DYM: variants seen among roughly 807,000 people sequenced by gnomAD.
DYM encodes the protein dymeclin.
DYM carries 78 observed loss-of-function variants against 93.1 expected under a neutral mutation model. The observed-to-expected ratio is 0.84, with a 90% CI of 0.70 to 1.01. The LOEUF (loss-of-function observed/expected upper bound fraction) is 1.01, where lower values mean the gene tolerates loss of function less well. DYM is among the 50% of genes least tolerant of loss of function. The probability of loss-of-function intolerance (pLI) is 0.00; values close to 1 mark genes in which losing one functional copy is unlikely to be tolerated. For synonymous variants in DYM, 321 were observed against 319.7 expected (o/e 1.00, Z -0.04); for missense variants, 789 against 845.0 (o/e 0.93, Z 0.82).
In DYM at chr18:49,438,100, G is replaced by A. The variant is rs550898702; in HGVS notation, c.-53-7653C>T. Among the ~76,000 whole-genome samples, 16 of 152,096 alleles carry A rather than the reference G, an allele frequency of 1.1e-4. No homozygotes were observed. In the East Asian group the frequency reaches 3.1e-3, roughly 29 times the overall value. The stretch of plus-strand genomic sequence containing the variant: ...TACTCAGAAGGATCGCTTGAGCCCA[G>A]GAGTTCGACGCTGCAGTGAGCCACG... On this transcript the variant is annotated intron_variant, in intron 1 of 17. Coordinates refer to ENST00000675505, the MANE Select transcript of DYM (RefSeq NM_001353214.3).
At chr18:49,444,268 C>T (rs747153308) in intron 1 of DYM, among the ~76,000 whole-genome samples, 1 of 152,138 alleles carries the variant, frequency 6.6e-6, no homozygotes, top group African/African-American at 2.4e-5. Flanking sequence ...AATATCCTGA[C>T]GCGTCCTGCC....
At chr18:49,358,446 C>G (rs929796478) in intron 6 of DYM, among the ~76,000 whole-genome samples, 2 of 152,212 alleles carry the variant, frequency 1.3e-5, no homozygotes, top group African/African-American at 4.8e-5. Context: ...ATCAGATATC[C>G]CCTGTACTCG....
At chr18:49,406,097 T>C (rs1475394098) in intron 2 of DYM, among the ~76,000 whole-genome samples, 2 of 152,248 alleles carry the variant, frequency 1.3e-5, no homozygotes, top group Non-Finnish European at 2.9e-5. Flanking sequence ...AAGTCATTTA[T>C]CTGCTCTAGG....
chr18:49,415,428 C>CT lies in DYM; in HGVS notation c.140+14826dup, dbSNP rs527660269. Among the ~76,000 whole-genome samples, 1,178 of 136,508 alleles carry CT rather than the reference C, an allele frequency of 8.6e-3. 10 individuals are homozygous for CT. The highest frequency in any genetic ancestry group is 0.016 in the South Asian group (67 of 4,212). The allele number at this position is 136,508 out of a possible 152,430, so 89.6% of individuals were successfully genotyped here. A position where few individuals can be genotyped will look rare whatever the true frequency, so the allele number is the denominator to read the frequency against. The stretch of plus-strand genomic sequence containing the variant: ...TACTCTTGGTTGTTATTATTTTTAT[C>CT]TTTTTTTTTTTTTGCCTTCCTGGTG... On this transcript the variant is annotated intron_variant, in intron 2 of 17. Transcript: ENST00000675505.
chr18:49,299,685 A>G (rs963487157), intron 8 of DYM, among the ~76,000 whole-genome samples: 1 of 152,186 alleles, frequency 6.6e-6, no homozygotes, highest in Admixed American at 6.5e-5. Context: ...TACATTAAAT[A>G]GGAAAACAAT....
At chr18:49,256,430 C>T (rs1457778453) in intron 13 of DYM, among the ~76,000 whole-genome samples, 2 of 152,156 alleles carry the variant, frequency 1.3e-5, no homozygotes, top group Non-Finnish European at 2.9e-5. Context: ...ATGCAGGCAG[C>T]CTCCAACACC....
intron 17 of DYM, among the ~76,000 whole-genome samples, chr18:49,083,655 A>C (rs1418381674): frequency 6.6e-6 from 1 of 152,194 alleles, no homozygotes; most frequent in Non-Finnish European, 1.5e-5. Flanking sequence ...GAAGATTTTA[A>C]TTACTAATTC....
intron 3 of DYM, among the ~76,000 whole-genome samples, chr18:49,387,581 T>C (rs1019638201): frequency 6.6e-5 from 10 of 152,290 alleles, no homozygotes; most frequent in African/African-American, 2.2e-4. Flanking sequence ...GAATCCGTGA[T>C]CTTTGATGTC....
At chr18:49,359,934 T>C (rs1441904977) in intron 6 of DYM, 1 of 152,186 alleles carries the variant, frequency 6.6e-6, no homozygotes, top group Admixed American at 6.5e-5. Context: ...GTAGTTTGGT[T>C]TCACATGGAA....
At chr18:49,281,396 A>C (rs111771772) in intron 10 of DYM, among the ~76,000 whole-genome samples, 2 of 152,032 alleles carry the variant, frequency 1.3e-5, no homozygotes, top group Non-Finnish European at 2.9e-5. Context: ...TCAGTGTGGC[A>C]ATTCCTCAGG....
At chr18:49,392,304 G>T (rs2069353878) in intron 2 of DYM, among the ~76,000 whole-genome samples, 1 of 151,978 alleles carries the variant, frequency 6.6e-6, no homozygotes, top group African/African-American at 2.4e-5. Flanking sequence ...TCTTGGATGT[G>T]ACACCAAAAA....
chr18:49,340,400 C>T (rs2064020223), intron 6 of DYM, among the ~76,000 whole-genome samples: 1 of 151,896 alleles, frequency 6.6e-6, no homozygotes, highest in South Asian at 2.1e-4. Context: ...AATACATGTA[C>T]ACATACGAAT....
In DYM at chr18:49,441,020, TATA is replaced by T. The variant is rs1184256505; in HGVS notation, c.-53-10576_-53-10574del. On this transcript the variant is annotated intron_variant, in intron 1 of 17. Transcript: ENST00000675505. Reference sequence around the variant, plus strand: ...ATATATTTATATATTATATATTATATATATTTATATATAATATATAAATATATA... The same window carrying T: ...ATATATTTATATATTATATATTATATTTTATATATAATATATAAATATATA... Among the ~76,000 whole-genome samples the T allele has an allele frequency of 5.9e-3, 42 of 7,084 alleles. 9 individuals are homozygous for T. Among genetic ancestry groups the T allele is most frequent in the Non-Finnish European group, 9.2e-3 (31 of 3,386 alleles). The allele number at this position is 7,084 out of a possible 152,430, so 4.6% of individuals were successfully genotyped here.
chr18:49,303,760 TA>T (rs2061095639), intron 8 of DYM, among the ~76,000 whole-genome samples: 1 of 152,224 alleles, frequency 6.6e-6, no homozygotes, highest in South Asian at 2.1e-4. Context: ...TGGCATAAAG[TA>T]TGTATCTTTC....
At chr18:49,443,654 A>C (rs2081860516) in intron 1 of DYM, among the ~76,000 whole-genome samples, 1 of 152,204 alleles carries the variant, frequency 6.6e-6, no homozygotes, top group African/African-American at 2.4e-5. Flanking sequence ...GCCACACAGC[A>C]TTCACTCCCA....
At chr18:49,216,915 A>C (rs1004146204) in intron 13 of DYM, among the ~76,000 whole-genome samples, 2 of 152,230 alleles carry the variant, frequency 1.3e-5, no homozygotes, top group Non-Finnish European at 2.9e-5. Flanking sequence ...AATGACTTTG[A>C]CGAGTGGAGA....
intron 14 of DYM, among the ~76,000 whole-genome samples, chr18:49,166,991 T>C (rs1248421843): frequency 0.021 from 6 of 290 alleles, no homozygotes; most frequent in Admixed American, 0.17. Context: ...TCACATTCCG[T>C]GTGTGTGTGT....
intron 8 of DYM, among the ~76,000 whole-genome samples, chr18:49,301,370 A>T (rs1377251655): frequency 1.3e-5 from 2 of 152,018 alleles, no homozygotes. Flanking sequence ...AATACAAAAA[A>T]ATTAGCCAGG....
At chr18:49,134,524 G>T (rs981471102) in intron 15 of DYM, among the ~76,000 whole-genome samples, 2 of 152,300 alleles carry the variant, frequency 1.3e-5, no homozygotes, top group Admixed American at 6.5e-5. Context: ...AACGAATGCT[G>T]TCTTGATTTA....
Sources: gnomAD v4.1 joint callset for allele counts (sites outside exome capture counted in the v4.1 genomes callset) on GRCh38, gnomAD v4.1.1 for gene constraint, MANE v1.5 for transcripts, NCBI Gene and HGNC (gene_info 2026-07-23, HGNC 2026-07-21) for gene names.